Variants in NCAM2 observed in about 807,000 individuals in gnomAD.
NCAM2 encodes N-CAM-2.
Under a neutral mutation model 98.1 loss-of-function variants are expected in NCAM2, and 30 were observed. The observed-to-expected ratio is 0.31, with a 90% CI of 0.23 to 0.41. NCAM2 has a LOEUF of 0.41. NCAM2 is among the 10% of genes least tolerant of loss of function. The pLI is 1.00. For missense variants in NCAM2, 867 were observed against 1,005.8 expected (o/e 0.86, Z 1.87); for synonymous variants, 368 against 342.4 (o/e 1.07, Z -0.83).
intron 1 of NCAM2, among the ~76,000 whole-genome samples, chr21:21,134,050 G>A (rs1412143354): frequency 3.5e-5 from 5 of 141,148 alleles, no homozygotes; most frequent in African/African-American, 5.3e-5. Context: ...CACACTTTGG[G>A]TGGCACTTCC....
chr21:21,165,356 C>T (rs763580566), intron 1 of NCAM2, among the ~76,000 whole-genome samples: 3 of 152,148 alleles, frequency 2.0e-5, no homozygotes, highest in Non-Finnish European at 2.9e-5. Context: ...ACCCTCTAGA[C>T]TGATTGAGCT....
chr21:21,239,779 C>A (rs546829295), intron 1 of NCAM2, among the ~76,000 whole-genome samples: 17 of 152,040 alleles, frequency 1.1e-4, no homozygotes, highest in African/African-American at 4.1e-4. Context: ...GTAAAATTCC[C>A]TAATATATAA....
chr21:21,160,043 G>A (rs764214184), intron 1 of NCAM2, among the ~76,000 whole-genome samples: 2 of 151,950 alleles, frequency 1.3e-5, no homozygotes, highest in African/African-American at 2.4e-5. Flanking sequence ...AATATTTTGC[G>A]CCTTGGTAGA....
At chr21:21,448,215 T>C (rs572671589) in intron 12 of NCAM2, among the ~76,000 whole-genome samples, 4 of 152,134 alleles carry the variant, frequency 2.6e-5, no homozygotes, top group African/African-American at 9.6e-5. Flanking sequence ...TATGCAGCCA[T>C]AGAAAGGAAT....
At chr21:21,079,391 A>T (rs956097873) in intron 1 of NCAM2, among the ~76,000 whole-genome samples, 5 of 152,318 alleles carry the variant, frequency 3.3e-5, no homozygotes, top group African/African-American at 1.2e-4. Context: ...GAAATGTCAA[A>T]GATGAAAACA....
chr21:21,245,582 C>G (rs563695588), intron 1 of NCAM2, among the ~76,000 whole-genome samples: 1 of 152,170 alleles, frequency 6.6e-6, no homozygotes, highest in African/African-American at 2.4e-5. Context: ...GTCAAGGTAT[C>G]TCCTTCTTTG....
At chr21:21,509,531 TATG>T (rs991570563) in intron 16 of NCAM2, among the ~76,000 whole-genome samples, 4 of 152,130 alleles carry the variant, frequency 2.6e-5, no homozygotes, top group East Asian at 3.9e-4. Context: ...GTATAGAAAA[TATG>T]ATATGTGCTA....
intron 12 of NCAM2, among the ~76,000 whole-genome samples, chr21:21,459,009 C>A (rs1982568848): frequency 6.6e-6 from 1 of 152,058 alleles, no homozygotes; most frequent in Non-Finnish European, 1.5e-5. Context: ...AGCACAAAAC[C>A]AAATAACCCA....
At chr21:21,498,738 G>T (rs1987424512) in intron 15 of NCAM2, among the ~76,000 whole-genome samples, 1 of 152,090 alleles carries the variant, frequency 6.6e-6, no homozygotes. Context: ...AGGTGATTTT[G>T]ATTCACTTTG....
At chr21:21,429,086 A>G (rs934772774) in intron 11 of NCAM2, among the ~76,000 whole-genome samples, 6 of 152,324 alleles carry the variant, frequency 3.9e-5, no homozygotes, top group Non-Finnish European at 8.8e-5. Context: ...AGTCATAAGC[A>G]TGCTTTTGCT....
chr21:21,463,116 C>T (rs1983212221), intron 12 of NCAM2, among the ~76,000 whole-genome samples: 1 of 152,070 alleles, frequency 6.6e-6, no homozygotes, highest in Non-Finnish European at 1.5e-5. Flanking sequence ...AGTACACAGC[C>T]TTTCATTTTC....
At chr21:21,293,461 C>T (rs1303540265) in intron 5 of NCAM2, among the ~76,000 whole-genome samples, 1 of 151,700 alleles carries the variant, frequency 6.6e-6, no homozygotes, top group Non-Finnish European at 1.5e-5. Context: ...TGATCCACCC[C>T]TTCCCTAAGC....
intron 1 of NCAM2, among the ~76,000 whole-genome samples, chr21:21,001,903 T>A (rs180902577): frequency 6.6e-6 from 1 of 152,180 alleles, no homozygotes; most frequent in Non-Finnish European, 1.5e-5. Context: ...TACAGCAATG[T>A]ACCTTCTAAA....
intron 8 of NCAM2, among the ~76,000 whole-genome samples, chr21:21,345,964 A>C (rs563937373): frequency 6.6e-6 from 1 of 152,110 alleles, no homozygotes; most frequent in Non-Finnish European, 1.5e-5. Context: ...GAAGGAAGAC[A>C]GGAAGGATAG....
chr21:21,115,949 C>G (rs1295022948), intron 1 of NCAM2, among the ~76,000 whole-genome samples: 2 of 119,218 alleles, frequency 1.7e-5, no homozygotes, highest in Non-Finnish European at 3.5e-5. Flanking sequence ...GTCCGCTTCT[C>G]TGAGATTTTG....
At chr21:21,393,805 A>G (rs979936946) in intron 9 of NCAM2, among the ~76,000 whole-genome samples, 27 of 152,310 alleles carry the variant, frequency 1.8e-4, no homozygotes, top group African/African-American at 6.0e-4. Flanking sequence ...AAATTCAAAT[A>G]TATAACATAA....
At chr21:21,123,201 C>T (rs1010875203) in intron 1 of NCAM2, among the ~76,000 whole-genome samples, 4 of 151,944 alleles carry the variant, frequency 2.6e-5, no homozygotes, top group African/African-American at 9.7e-5. Context: ...CGAGACCATC[C>T]TGGCTGACAC....
At chr21:21,065,915 A>G (rs2065427235) in intron 1 of NCAM2, among the ~76,000 whole-genome samples, 1 of 152,300 alleles carries the variant, frequency 6.6e-6, no homozygotes, top group Non-Finnish European at 1.5e-5. Flanking sequence ...TAATGGTCCT[A>G]CTAAAAATTA....
chr21:21,431,735 A>T (rs1229499215), intron 11 of NCAM2, among the ~76,000 whole-genome samples: 3 of 152,070 alleles, frequency 2.0e-5, no homozygotes, highest in Admixed American at 2.0e-4. Context: ...TGATTTATGT[A>T]TTCTAACGTT....
Sources: gnomAD v4.1 joint callset for allele counts (sites outside exome capture counted in the v4.1 genomes callset) on GRCh38, gnomAD v4.1.1 for gene constraint, MANE v1.5 for transcripts, NCBI Gene and HGNC (gene_info 2026-07-23, HGNC 2026-07-21) for gene names.